Variants in PDE10A observed in about 807,000 individuals in gnomAD.
PDE10A encodes the protein phosphodiesterase 10A.
In PDE10A, 39 loss-of-function variants were observed where a neutral mutation model predicts 97.7. That is an observed-to-expected ratio of 0.40 (90% confidence interval 0.31 to 0.52). The LOEUF is 0.52. Ranked by LOEUF, PDE10A falls within the 20% of genes least tolerant of loss-of-function variation. The pLI, the probability that PDE10A is intolerant of heterozygous loss-of-function variation, is 0.56. For synonymous variants in PDE10A, 371 were observed against 376.8 expected (o/e 0.98, Z 0.18); for missense variants, 731 against 1,047.8 (o/e 0.70, Z 4.17).
chr6:165,647,767 G>A (rs937130527), intron 1 of PDE10A, among the ~76,000 whole-genome samples: 6 of 152,192 alleles, frequency 3.9e-5, no homozygotes, highest in Non-Finnish European at 5.9e-5. Flanking sequence ...GTCACTTGCA[G>A]AGACTGCCTT....
At position 165,543,561 on chromosome 6, in the gene PDE10A, T is replaced by C; in HGVS notation, c.873A>G (p.Thr291=). Residue 291 remains threonine (T), a synonymous_variant, in exon 2 of 22, where the codon ACA becomes ACG. Transcript: ENST00000539869. ...LTECFLSPSL[T]DEKVKAYLSL... ...AAAGATATGCCTTCACTTTTTCATC[T>C]GTCAAACCTGTAAAAGAATTGAAAA... 6.2e-7 allele frequency: 1 copy of C among 1,606,124 alleles called. No individual in the cohort carries two copies. The highest frequency in any genetic ancestry group is 8.5e-7 in the Non-Finnish European group (1 of 1,176,078).
At chr6:165,911,170 C>T (rs571128622) in intron 1 of PDE10A, among the ~76,000 whole-genome samples, 158 of 152,184 alleles carry the variant, frequency 1.0e-3, no homozygotes, top group African/African-American at 3.7e-3. Context: ...CCTAATAATA[C>T]AACTCAAAAA....
chr6:165,585,503 G>A (rs1338662234), intron 1 of PDE10A, among the ~76,000 whole-genome samples: 3 of 152,128 alleles, frequency 2.0e-5, no homozygotes, highest in African/African-American at 2.4e-5. Flanking sequence ...GGAGGCAGAG[G>A]AATTTTTGAG....
chr6:165,879,317 T>TTTCAAAATC (rs2128480184), intron 1 of PDE10A, among the ~76,000 whole-genome samples: 1 of 152,360 alleles, frequency 6.6e-6, no homozygotes, highest in East Asian at 1.9e-4. Context: ...GCTGCTGGAC[T>TTTCAAAATC]TTCAAAATCT....
intron 1 of PDE10A, among the ~76,000 whole-genome samples, chr6:165,652,414 C>T (rs988886944): frequency 2.6e-5 from 4 of 151,872 alleles, no homozygotes; most frequent in Non-Finnish European, 5.9e-5. Context: ...CTAGAACTCC[C>T]GGGCTCAAGC....
intron 1 of PDE10A, among the ~76,000 whole-genome samples, chr6:165,826,694 G>A (rs956224129): frequency 1.3e-5 from 2 of 152,044 alleles, no homozygotes; most frequent in Admixed American, 6.5e-5. Context: ...CCAGAGGCAC[G>A]GTGGGAGCGG....
At chr6:165,744,457 A>G (rs951417095) in intron 1 of PDE10A, among the ~76,000 whole-genome samples, 1 of 152,150 alleles carries the variant, frequency 6.6e-6, no homozygotes, top group Non-Finnish European at 1.5e-5. Context: ...AGTTTGTATT[A>G]TTGGTGATAT....
chr6:165,458,979 C>T (rs753966228), intron 3 of PDE10A, among the ~76,000 whole-genome samples: 4 of 141,234 alleles, frequency 2.8e-5, no homozygotes, highest in Non-Finnish European at 4.6e-5. Flanking sequence ...CATCACATTT[C>T]TTCAGCATCT....
intron 1 of PDE10A, among the ~76,000 whole-genome samples, chr6:165,594,753 A>C (rs1786484729): frequency 1.3e-5 from 2 of 152,334 alleles, no homozygotes; most frequent in Non-Finnish European, 2.9e-5. Flanking sequence ...TGATACCTTT[A>C]TGGTGGAGAC....
At chr6:165,419,082 G>A (rs1788516580) in intron 10 of PDE10A, among the ~76,000 whole-genome samples, 1 of 152,104 alleles carries the variant, frequency 6.6e-6, no homozygotes, top group Non-Finnish European at 1.5e-5. Flanking sequence ...TGTTTTAGTT[G>A]GTAAGCAGCT....
intron 1 of PDE10A, among the ~76,000 whole-genome samples, chr6:165,953,890 C>T (rs1262285654): frequency 1.3e-5 from 2 of 152,170 alleles, no homozygotes; most frequent in African/African-American, 2.4e-5. Flanking sequence ...TTGCATTGTC[C>T]TCAAATTCCC....
chr6:165,390,785 C>A (rs1785651705), intron 16 of PDE10A, among the ~76,000 whole-genome samples: 1 of 152,158 alleles, frequency 6.6e-6, no homozygotes, highest in Non-Finnish European at 1.5e-5. Context: ...GCTTCTTTGT[C>A]CTGATAATGC....
At chr6:165,431,293 A>G in intron 8 of PDE10A, 129 bp downstream of exon 8, 1 of 522,010 alleles carries the variant, frequency 1.9e-6, no homozygotes, top group East Asian at 3.2e-5. Context: ...ATTTCTAGAA[A>G]TAACAGAAAA....
intron 1 of PDE10A, among the ~76,000 whole-genome samples, chr6:165,979,575 C>T (rs1267563948): frequency 2.0e-5 from 3 of 152,168 alleles, no homozygotes; most frequent in Admixed American, 6.5e-5. Context: ...GCCTCACTTA[C>T]AAAAACATTC....
In PDE10A at chr6:165,655,063, AGCACAGAATTCCAGCGG is replaced by A; in HGVS notation, c.865+6867_865+6883del. Among the ~76,000 whole-genome samples, 1 of 152,284 alleles carries A rather than the reference AGCACAGAATTCCAGCGG, an allele frequency of 6.6e-6. No individual in the cohort carries two copies. The highest frequency in any genetic ancestry group is 1.9e-4 in the East Asian group (1 of 5,172). Reference sequence around the variant, plus strand: ...AATCTCTCTTTCTACTCCGGCTCATAGCACAGAATTCCAGCGGGCCGTCCGTTCGCGTGTCAAACTTC... The same window carrying A: ...AATCTCTCTTTCTACTCCGGCTCATAGCCGTCCGTTCGCGTGTCAAACTTC... On this transcript the variant is annotated intron_variant, in intron 1 of 21. Coordinates refer to ENST00000539869, the MANE Select transcript of PDE10A (RefSeq NM_001385079.1). The surrounding 1 kb of genome is among the most constrained non-coding windows in gnomAD (Gnocchi z 4.5).
intron 2 of PDE10A, among the ~76,000 whole-genome samples, chr6:165,488,617 T>A (rs982029201): frequency 6.6e-6 from 1 of 152,114 alleles, no homozygotes; most frequent in Non-Finnish European, 1.5e-5. Flanking sequence ...AGGAGGTGGA[T>A]TGCAGCTGCA....
At chr6:165,567,994 ATT>A (rs386409260) in intron 1 of PDE10A, among the ~76,000 whole-genome samples, 30 of 130,640 alleles carry the variant, frequency 2.3e-4, no homozygotes, top group African/African-American at 8.0e-4. Flanking sequence ...GCAACAAGGC[ATT>A]TTTTTTTTTT....
At chr6:165,795,597 C>CA (rs1186982980) in intron 1 of PDE10A, among the ~76,000 whole-genome samples, 2 of 151,870 alleles carry the variant, frequency 1.3e-5, no homozygotes, top group African/African-American at 2.4e-5. Flanking sequence ...AACAAACAAA[C>CA]AAAAAAACCA....
intron 1 of PDE10A, among the ~76,000 whole-genome samples, chr6:165,714,067 C>A (rs562759983): frequency 1.3e-4 from 20 of 152,300 alleles, no homozygotes; most frequent in Admixed American, 2.6e-4. Flanking sequence ...AAACCATGAC[C>A]ACCACAACAT....
Sources: gnomAD v4.1 joint callset for allele counts (sites outside exome capture counted in the v4.1 genomes callset) on GRCh38, gnomAD v4.1.1 for gene constraint, Gnocchi (gnomAD v3.1) non-coding constraint, MANE v1.5 for transcripts, NCBI Gene and HGNC (gene_info 2026-07-23, HGNC 2026-07-21) for gene names.